Variants in VPS53 observed in about 807,000 individuals in gnomAD.
The protein encoded by VPS53 is VPS53 subunit of GARP complex.
Under a neutral mutation model 107.0 loss-of-function variants are expected in VPS53, and 70 were observed. The ratio of observed to expected loss-of-function variants is 0.65; its 90% CI spans 0.54 to 0.80. The LOEUF is 0.80. Among genes scored for constraint, VPS53 ranks in the 30% least tolerant of loss-of-function variants. The probability of loss-of-function intolerance (pLI) is 0.00; values close to 1 mark genes in which losing one functional copy is unlikely to be tolerated. For missense variants in VPS53, 917 were observed against 1,049.4 expected, an observed-to-expected ratio of 0.87 and a Z score of 1.74; for synonymous variants, 409 against 393.3, an observed-to-expected ratio of 1.04 and a Z score of -0.47.
At chr17:605,202 C>G (rs1374671944) in intron 11 of VPS53, among the ~76,000 whole-genome samples, 1 of 152,030 alleles carries the variant, frequency 6.6e-6, no homozygotes, top group Non-Finnish European at 1.5e-5. Context: ...CTTGGGTGCA[C>G]CAGGGATGCA....
Position 631,623 on chromosome 17 carries a change from T to C in VPS53, c.614A>G (p.Lys205Arg). The C allele has an allele frequency of 6.2e-7, 1 of 1,613,946 alleles. No individual in the cohort carries two copies. Among genetic ancestry groups the C allele is most frequent in the Non-Finnish European group, 8.5e-7 (1 of 1,179,898 alleles). Residue 205 changes from lysine to arginine, a missense_variant, in exon 8 of 22, where the codon AAG becomes AGG. Physicochemically the swap from Lys to Arg is conservative, Grantham distance 26. Transcript: ENST00000437048. The part of the protein sequence containing the change: ...PQIRQLSERV[K>R]AAQTELGQQI... Reference sequence around the variant, plus strand: ...CTGTCCTAACTCAGTCTGTGCAGCCTTCACTCTGTGAGGAAGAGAGAACAT... The same window carrying C: ...CTGTCCTAACTCAGTCTGTGCAGCCCTCACTCTGTGAGGAAGAGAGAACAT...
chr17:691,464 GTAC>G (rs1288550715), intron 4 of VPS53, among the ~76,000 whole-genome samples: 1 of 152,184 alleles, frequency 6.6e-6, no homozygotes, highest in African/African-American at 2.4e-5. Context: ...GTGGAAGATT[GTAC>G]TACAATTACC....
At chr17:657,057 T>A in intron 5 of VPS53, 1 of 899,624 alleles carries the variant, frequency 1.1e-6, no homozygotes, top group East Asian at 2.4e-5. Flanking sequence ...GGCTTGCCAG[T>A]GTCGAACGTG....
At chr17:670,594 G>GTC (rs1205008133) in intron 4 of VPS53, among the ~76,000 whole-genome samples, 2 of 152,166 alleles carry the variant, frequency 1.3e-5, no homozygotes, top group Admixed American at 6.5e-5. Flanking sequence ...GAGGGGCTCT[G>GTC]ATTCATTGGC....
intron 7 of VPS53, among the ~76,000 whole-genome samples, chr17:648,236 A>G (rs1389952174): frequency 1.3e-5 from 2 of 152,222 alleles, no homozygotes; most frequent in African/African-American, 4.8e-5. Flanking sequence ...TCTTGATCAG[A>G]CTAATAGAGA....
chr17:626,049 C>T (rs1240061978), intron 10 of VPS53, among the ~76,000 whole-genome samples: 1 of 152,016 alleles, frequency 6.6e-6, no homozygotes, highest in Non-Finnish European at 1.5e-5. Flanking sequence ...ACAAAAAATA[C>T]ACACACAAAA....
chr17:684,711 G>A (rs1972521343), intron 4 of VPS53, among the ~76,000 whole-genome samples: 1 of 152,142 alleles, frequency 6.6e-6, no homozygotes, highest in South Asian at 2.1e-4. Flanking sequence ...AGTTGGCCGG[G>A]CGCGGTGGCT....
At chr17:596,678 G>A (rs1967990710) in intron 12 of VPS53, among the ~76,000 whole-genome samples, 1 of 152,198 alleles carries the variant, frequency 6.6e-6, no homozygotes, top group African/African-American at 2.4e-5. Context: ...TCCTGCCTAT[G>A]GCTACGTTAT....
In VPS53 at chr17:673,322, C is replaced by T. The variant is rs541702621; in HGVS notation, c.286-11427G>A. ...CTCTTCTTTTGTTACTGCTGACCAC[C>T]CCGGCATCACTGAGAGCTGTTGCTA... On this transcript the variant is annotated intron_variant, in intron 4 of 21. Transcript: ENST00000437048. Among the ~76,000 whole-genome samples, 5 of 152,226 alleles carry T rather than the reference C, an allele frequency of 3.3e-5. No homozygotes were observed. In the South Asian group the frequency reaches 1.0e-3, roughly 32 times the overall value.
At chr17:600,215 A>C (rs1158922015) in intron 12 of VPS53, 1 of 152,250 alleles carries the variant, frequency 6.6e-6, no homozygotes, top group Non-Finnish European at 1.5e-5. Context: ...ATGACTAGCG[A>C]AAAGAATAAC....
At chr17:683,900 T>C (rs1206176088) in intron 4 of VPS53, among the ~76,000 whole-genome samples, 1 of 152,226 alleles carries the variant, frequency 6.6e-6, no homozygotes, top group Non-Finnish European at 1.5e-5. Context: ...AAAATTTATT[T>C]TTAATTACTC....
chr17:560,662 G>T (rs181051608), intron 14 of VPS53, 89 bp from the exon 15 acceptor site: 2 of 1,497,656 alleles, frequency 1.3e-6, no homozygotes, highest in African/African-American at 2.8e-5. Context: ...TACAGAAAAG[G>T]GGGAAGTAAA....
At chr17:532,652 C>A (rs530442764) in intron 19 of VPS53, 190 bp downstream of exon 19, 2 of 1,388,128 alleles carry the variant, frequency 1.4e-6, no homozygotes, top group Non-Finnish European at 1.9e-6. Context: ...ACTTAGTAGG[C>A]GTTCAAACAA....
intron 13 of VPS53, among the ~76,000 whole-genome samples, chr17:580,728 G>C (rs1174786014): frequency 1.3e-5 from 2 of 149,800 alleles, no homozygotes; most frequent in South Asian, 2.1e-4. Context: ...TGCGTTCGCA[G>C]AGAAATTCCC....
Position 521,593 on chromosome 17 carries a change from G to T in VPS53, c.2223+8C>A. The T allele has an allele frequency of 6.6e-7, 1 of 1,524,950 alleles. No individual in the cohort carries two copies. Among genetic ancestry groups the T allele is most frequent in the South Asian group, 1.2e-5 (1 of 80,812 alleles). 94.5% of individuals were successfully genotyped at this position (1,524,950 alleles called of 1,614,324 possible). A position where few individuals can be genotyped will look rare whatever the true frequency, so the allele number is the denominator to read the frequency against. On this transcript the variant is annotated splice_region_variant and intron_variant, in intron 20 of 21. Coordinates refer to ENST00000437048, the MANE Select transcript of VPS53 (RefSeq NM_001128159.3). ...AAATAACTGGCCCCTTTTAACACAA[G>T]CCATCACCTTGAGGATCATCTCAGC...
chr17:549,486 G>A (rs1440099479), intron 17 of VPS53, among the ~76,000 whole-genome samples: 1 of 152,098 alleles, frequency 6.6e-6, no homozygotes, highest in Non-Finnish European at 1.5e-5. Flanking sequence ...AGTGGAGGGT[G>A]GGACGGGGCA....
chr17:604,305 G>A (rs544054103), intron 11 of VPS53, among the ~76,000 whole-genome samples: 33 of 151,268 alleles, frequency 2.2e-4, no homozygotes, highest in African/African-American at 5.1e-4. Context: ...TCTCACTGGC[G>A]TAAAGCATCA....
At chr17:664,185 TCTC>T (rs1971584830) in intron 4 of VPS53, among the ~76,000 whole-genome samples, 1 of 152,072 alleles carries the variant, frequency 6.6e-6, no homozygotes, top group African/African-American at 2.4e-5. Flanking sequence ...TTCAAGCAAT[TCTC>T]CTGCCTCAGC....
intron 5 of VPS53, 108 bp downstream of exon 5, chr17:661,701 G>A (rs1481913524): frequency 9.8e-6 from 10 of 1,015,242 alleles, no homozygotes; most frequent in East Asian, 5.2e-5. Context: ...AGATGACTCT[G>A]GTTGGCAGGA....
Sources: allele counts gnomAD v4.1 joint callset (sites outside exome capture counted in the v4.1 genomes callset), GRCh38; gene constraint gnomAD v4.1.1; transcripts MANE v1.5; gene names NCBI Gene and HGNC (gene_info 2026-07-23, HGNC 2026-07-21).